The following RLN3 variants were observed in gnomAD, a reference collection of about 807,000 sequenced individuals.
RLN3 encodes relaxin-3.
In RLN3, 13 loss-of-function variants were observed where a neutral mutation model predicts 10.2. The ratio of observed to expected loss-of-function variants is 1.28; its 90% CI spans 0.83 to 2.03. The LOEUF (loss-of-function observed/expected upper bound fraction) is 2.03. Among genes scored for constraint, RLN3 ranks in the 30% most tolerant of loss-of-function variants. RLN3 has a pLI of 0.00. For synonymous variants in RLN3, 56 were observed against 79.2 expected, an observed-to-expected ratio of 0.71 and a Z score of 1.56; for missense variants, 191 against 187.2, an observed-to-expected ratio of 1.02 and a Z score of -0.12.
rs1190205336 is a variant in RLN3 at position 14,031,342 on chromosome 19, C to T, written c.*394C>T. ...TCCCAGTCCAAACTGTGGCCATTGT[C>T]CCCTGACCAGCTAAAATCAAGCCTC... On this transcript the variant is annotated 3_prime_UTR_variant, in exon 2 of 2. Transcript: ENST00000431365. The T allele has an allele frequency of 1.8e-5, 4 of 225,896 alleles. No homozygotes were observed. Among genetic ancestry groups the T allele is most frequent in the African/African-American group, 9.3e-5 (4 of 43,044 alleles). The allele number at this position is 225,896 out of a possible 1,614,324, so 14.0% of individuals were successfully genotyped here. A position where few individuals can be genotyped will look rare whatever the true frequency, so the allele number is the denominator to read the frequency against.
chr19:14,029,789 AAAGT>A (rs968928580), intron 1 of RLN3, among the ~76,000 whole-genome samples: 6 of 145,522 alleles, frequency 4.1e-5, no homozygotes, highest in East Asian at 2.0e-4. Flanking sequence ...TGTTTGACAC[AAAGT>A]AAGTGATCAA....
chr19:14,030,822 CA>C lies in RLN3; in HGVS notation c.304del (p.Arg102GlyfsTer63). ...ALTKSPQAFY[R>X]GRPSWQGTPG... Reference sequence around the variant, plus strand: ...TGACCAAGTCACCCCAGGCCTTTTACAGGGGGCGACCCAGCTGGCAAGGAAC... The same window carrying C: ...TGACCAAGTCACCCCAGGCCTTTTACGGGGGCGACCCAGCTGGCAAGGAAC... On this transcript the variant is annotated frameshift_variant, in exon 2 of 2. Coordinates refer to ENST00000431365, the MANE Select transcript of RLN3 (RefSeq NM_080864.4). LOFTEE classifies it low-confidence loss of function (END_TRUNC). 1.9e-6 allele frequency: 3 copies of C among 1,613,954 alleles called. No individual in the cohort carries two copies. The highest frequency in any genetic ancestry group is 2.5e-6 in the Non-Finnish European group (3 of 1,179,878).
chr19:14,030,643 C>T, intron 1 of RLN3, 67 bp from the exon 2 acceptor site: 1 of 1,318,386 alleles, frequency 7.6e-7, no homozygotes, highest in Non-Finnish European at 1.1e-6. Flanking sequence ...CTAGACTGGC[C>T]AGGAGCCATG....
intron 1 of RLN3, among the ~76,000 whole-genome samples, chr19:14,028,722 G>A (rs1381961134): frequency 6.6e-6 from 1 of 152,128 alleles, no homozygotes; most frequent in Non-Finnish European, 1.5e-5. Context: ...ACATAGCTGG[G>A]TTTGTCACCT....
chr19:14,031,450 A>C lies in RLN3; in HGVS notation c.*502A>C. The C allele has an allele frequency of 4.3e-6, 1 of 231,848 alleles. No individual in the cohort carries two copies. The allele number at this position is 231,848 out of a possible 1,614,324, so 14.4% of individuals were successfully genotyped here. On this transcript the variant is annotated 3_prime_UTR_variant, in exon 2 of 2. Coordinates refer to ENST00000431365, the MANE Select transcript of RLN3 (RefSeq NM_080864.4). Reference sequence around the variant, plus strand: ...CCTCCAACTCCCCTGCCAGAGTTCCAAGGCTGTGGACCCCAGAGAAGGTGG... The same window carrying C: ...CCTCCAACTCCCCTGCCAGAGTTCCCAGGCTGTGGACCCCAGAGAAGGTGG...
intron 1 of RLN3, among the ~76,000 whole-genome samples, chr19:14,029,825 A>ATTATTC: frequency 6.7e-6 from 1 of 149,090 alleles, no homozygotes; most frequent in African/African-American, 2.5e-5. Context: ...TATTATTATT[A>ATTATTC]TTATTATTAT....
chr19:14,031,019 G>A lies in RLN3; in HGVS notation c.*71G>A. On this transcript the variant is annotated 3_prime_UTR_variant, in exon 2 of 2. Coordinates refer to ENST00000431365, the MANE Select transcript of RLN3 (RefSeq NM_080864.4). Reference sequence around the variant, plus strand: ...CTGCCATCCACTCAACTAGTGTCTGGCTGGGCACCTGTCTTTCGAGCCTCA... The same window carrying A: ...CTGCCATCCACTCAACTAGTGTCTGACTGGGCACCTGTCTTTCGAGCCTCA... 9.3e-7 allele frequency: 1 copy of A among 1,070,598 alleles called. No individual in the cohort carries two copies. The highest frequency in any genetic ancestry group is 1.4e-6 in the Non-Finnish European group (1 of 728,914). The allele number at this position is 1,070,598 out of a possible 1,614,324, so 66.3% of individuals were successfully genotyped here.
rs759196280 is a variant in RLN3 at position 14,028,252 on chromosome 19, C to T, written c.48C>T (p.Thr16=). 3.3e-5 allele frequency: 54 copies of T among 1,612,270 alleles called. No individual in the cohort carries two copies. Among genetic ancestry groups the T allele is most frequent in the East Asian group, 4.5e-5 (2 of 44,854 alleles). The change falls in exon 1 of 2, where the codon ACC becomes ACT. Residue 16 remains threonine (T), a synonymous_variant. Transcript: ENST00000431365. ...TGCTCCTGGCGGTATGGGTGCTGAC[C>T]GGGGAGCTGTGGCCGGGAGCTGAGG... The part of the protein sequence containing the change: ...LLLLLAVWVL[T]GELWPGAEAR...
At position 14,030,939 on chromosome 19, in the gene RLN3, C is replaced by A. The variant is rs768863140; in HGVS notation, c.420C>A (p.Ser140Arg). Residue 140 changes from serine to arginine, a missense_variant, in exon 2 of 2, where the codon AGC becomes AGA. By Grantham distance (110) the Ser-to-Arg change is moderately radical. Transcript: ENST00000431365. ...KWGCSKSEIS[S>R]LC ...GGTGTAGCAAAAGTGAAATCAGTAG[C>A]CTTTGCTAGTTTGAGGGCTGGGCAG... 7.7e-5 allele frequency: 121 copies of A among 1,561,838 alleles called. No individual in the cohort carries two copies. The highest frequency in any genetic ancestry group is 1.0e-4 in the Non-Finnish European group (119 of 1,151,886).
chr19:14,030,596 CTGAACTA>C (rs1402548669), intron 1 of RLN3, 107 bp from the exon 2 acceptor site: 1 of 978,180 alleles, frequency 1.0e-6, no homozygotes, highest in East Asian at 2.4e-5. Flanking sequence ...AATAAAAACT[CTGAACTA>C]TGTCTATGAC....
rs538308570 is a variant in RLN3 at position 14,031,236 on chromosome 19, G to A, written c.*288G>A. ...GACCTCTCCCCAGCCCTAACCATGC[G>A]TTTGCCTGGCCTACACACTCCACTG... On this transcript the variant is annotated 3_prime_UTR_variant, in exon 2 of 2. Coordinates refer to ENST00000431365, the MANE Select transcript of RLN3 (RefSeq NM_080864.4). The A allele has an allele frequency of 2.5e-6, 1 of 397,236 alleles. No homozygotes were observed. Among genetic ancestry groups the A allele is most frequent in the Non-Finnish European group, 4.6e-6 (1 of 219,462 alleles). The allele number at this position is 397,236 out of a possible 1,614,324, so 24.6% of individuals were successfully genotyped here. A position where few individuals can be genotyped will look rare whatever the true frequency, so the allele number is the denominator to read the frequency against.
At chr19:14,030,320 C>T in intron 1 of RLN3, 2 of 702,948 alleles carry the variant, frequency 2.8e-6, no homozygotes, top group Non-Finnish European at 5.2e-6. Flanking sequence ...TCAGTCAGCC[C>T]AGCTCCCAAA....
chr19:14,030,978 G>A lies in RLN3; in HGVS notation c.*30G>A, dbSNP rs1396541348. On this transcript the variant is annotated 3_prime_UTR_variant, in exon 2 of 2. Coordinates refer to ENST00000431365, the MANE Select transcript of RLN3 (RefSeq NM_080864.4). Reference sequence around the variant, plus strand: ...AGGGCTGGGCAGCCGTGGGCACCAGGACCAATGCCCCAGTCCTGCCATCCA... The same window carrying A: ...AGGGCTGGGCAGCCGTGGGCACCAGAACCAATGCCCCAGTCCTGCCATCCA... The A allele has an allele frequency of 1.4e-6, 2 of 1,440,652 alleles. No individual in the cohort carries two copies. Among genetic ancestry groups the A allele is most frequent in the South Asian group, 1.3e-5 (1 of 75,396 alleles). 89.2% of individuals were successfully genotyped at this position (1,440,652 alleles called of 1,614,324 possible).
At chr19:14,028,714 A>G (rs919196413) in intron 1 of RLN3, among the ~76,000 whole-genome samples, 2 of 152,184 alleles carry the variant, frequency 1.3e-5, no homozygotes, top group Non-Finnish European at 2.9e-5. Flanking sequence ...TGGTATACAC[A>G]TAGCTGGGTT....
rs78161395 is a variant in RLN3 at position 14,030,854 on chromosome 19, G to T, written c.335G>T (p.Gly112Val). The T allele has an allele frequency of 0.16, 265,067 of 1,612,696 alleles. 23,702 individuals carry two copies. The highest frequency in any genetic ancestry group is 0.29 in the East Asian group (12,788 of 44,842). The change falls in exon 2 of 2, where the codon GGG (glycine) becomes GTG (valine). Residue 112 changes from glycine (G) to valine (V), a missense_variant. Physicochemically the swap from Gly to Val is moderately radical, Grantham distance 109. Coordinates refer to ENST00000431365, the MANE Select transcript of RLN3 (RefSeq NM_080864.4). ...RGRPSWQGTPGVLRGSRDVLA... is the reference protein window; with the variant it reads ...RGRPSWQGTPVVLRGSRDVLA... ...CGACCCAGCTGGCAAGGAACCCCTG[G>T]GGTTCTTCGGGGCAGCCGAGATGTC...
In RLN3 at chr19:14,028,177, T is replaced by C; in HGVS notation, c.-28T>C. 2 of 1,526,382 alleles carry C rather than the reference T, an allele frequency of 1.3e-6. No individual in the cohort carries two copies. Among genetic ancestry groups the C allele is most frequent in the South Asian group, 2.5e-5 (2 of 79,352 alleles). 94.6% of individuals were successfully genotyped at this position (1,526,382 alleles called of 1,614,324 possible). On this transcript the variant is annotated 5_prime_UTR_variant, in exon 1 of 2. Coordinates refer to ENST00000431365, the MANE Select transcript of RLN3 (RefSeq NM_080864.4). ...AGAGGCAGCAGAGACACTGGCCCACTCTCACGTTCAAAGCATCTCCGTCCA... is the reference window on the plus strand; with the variant it reads ...AGAGGCAGCAGAGACACTGGCCCACCCTCACGTTCAAAGCATCTCCGTCCA...
In RLN3 at chr19:14,031,498, T is replaced by G; in HGVS notation, c.*550T>G. ...TGGCAGGTGGCCCCCCTAGGAGAGCTCTGGGCACATTCGAATCTTCCCAAA... is the reference window on the plus strand; with the variant it reads ...TGGCAGGTGGCCCCCCTAGGAGAGCGCTGGGCACATTCGAATCTTCCCAAA... On this transcript the variant is annotated 3_prime_UTR_variant, in exon 2 of 2. Transcript: ENST00000431365. 1 of 291,140 alleles carries G rather than the reference T, an allele frequency of 3.4e-6. No homozygotes were observed. Among genetic ancestry groups the G allele is most frequent in the Middle Eastern group, 1.1e-3 (1 of 916 alleles). 18.0% of individuals were successfully genotyped at this position (291,140 alleles called of 1,614,324 possible).
chr19:14,030,933 CAGT>C lies in RLN3; in HGVS notation c.417_419del (p.Ser140del). ...AGTGGGGGTGTAGCAAAAGTGAAATCAGTAGCCTTTGCTAGTTTGAGGGCTGGG... is the reference window on the plus strand; with the variant it reads ...AGTGGGGGTGTAGCAAAAGTGAAATCAGCCTTTGCTAGTTTGAGGGCTGGG... On this transcript the variant is annotated inframe_deletion, in exon 2 of 2. Coordinates refer to ENST00000431365, the MANE Select transcript of RLN3 (RefSeq NM_080864.4). 1 of 1,570,552 alleles carries C rather than the reference CAGT, an allele frequency of 6.4e-7. No homozygotes were observed. Among genetic ancestry groups the C allele is most frequent in the Middle Eastern group, 1.7e-4 (1 of 5,824 alleles).
In RLN3 at chr19:14,031,155, C is replaced by T. The variant is rs1452805419; in HGVS notation, c.*207C>T. The T allele has an allele frequency of 1.8e-6, 1 of 555,158 alleles. No individual in the cohort carries two copies. Among genetic ancestry groups the T allele is most frequent in the Non-Finnish European group, 3.2e-6 (1 of 314,044 alleles). 34.4% of individuals were successfully genotyped at this position (555,158 alleles called of 1,614,324 possible). A position where few individuals can be genotyped will look rare whatever the true frequency, so the allele number is the denominator to read the frequency against. ...TGACCAGCCTATCATGACCCTGGCC[C>T]CTAAGGAAGCTGTGCCCCTGCCTGG... On this transcript the variant is annotated 3_prime_UTR_variant, in exon 2 of 2. Transcript: ENST00000431365.
Sources: gnomAD v4.1 joint callset for allele counts (sites outside exome capture counted in the v4.1 genomes callset) on GRCh38, gnomAD v4.1.1 for gene constraint, MANE v1.5 for transcripts, NCBI Gene and HGNC (gene_info 2026-07-23, HGNC 2026-07-21) for gene names.